Variants in CAMK1D observed in about 807,000 individuals in gnomAD.
The protein encoded by CAMK1D is calcium/calmodulin-dependent protein kinase type 1D.
A neutral mutation model predicts 47.7 loss-of-function variants in CAMK1D; 9 were observed. That is an observed-to-expected ratio of 0.19 (90% CI 0.11 to 0.33). The LOEUF (loss-of-function observed/expected upper bound fraction) is 0.33, where lower values mean the gene tolerates loss of function less well. CAMK1D is among the 10% of genes least tolerant of loss of function. The pLI, the probability that CAMK1D is intolerant of heterozygous loss-of-function variation, is 1.00. For synonymous variants in CAMK1D, 184 were observed against 184.9 expected (o/e 0.99, Z 0.04); for missense variants, 291 against 488.7 (o/e 0.60, Z 3.81).
At chr10:12,407,423 A>T (rs1211064991) in intron 1 of CAMK1D, among the ~76,000 whole-genome samples, 1 of 152,186 alleles carries the variant, frequency 6.6e-6, no homozygotes, top group Non-Finnish European at 1.5e-5. Context: ...TTCTCACTGA[A>T]GCGTCTCTGG....
At chr10:12,585,439 G>T (rs891020475) in intron 2 of CAMK1D, among the ~76,000 whole-genome samples, 2 of 152,186 alleles carry the variant, frequency 1.3e-5, no homozygotes, top group Non-Finnish European at 2.9e-5. Context: ...GGAGGGCTCA[G>T]TCTGGACCAC....
At chr10:12,497,854 A>G (rs1834588527) in intron 1 of CAMK1D, among the ~76,000 whole-genome samples, 1 of 152,340 alleles carries the variant, frequency 6.6e-6, no homozygotes, top group Non-Finnish European at 1.5e-5. Context: ...TCATACTGCT[A>G]TGAAGAAATA....
chr10:12,631,716 G>C (rs1172864340), intron 2 of CAMK1D, among the ~76,000 whole-genome samples: 1 of 148,182 alleles, frequency 6.7e-6, no homozygotes, highest in African/African-American at 2.5e-5. Context: ...GACATCAAAA[G>C]CTTCATTCCC....
chr10:12,459,237 C>A (rs565500581), intron 1 of CAMK1D, among the ~76,000 whole-genome samples: 2 of 152,112 alleles, frequency 1.3e-5, no homozygotes, highest in African/African-American at 4.8e-5. Flanking sequence ...ATAAAAAAAA[C>A]CACGTTATGG....
intron 3 of CAMK1D, among the ~76,000 whole-genome samples, chr10:12,670,492 A>T (rs1437663195): frequency 6.6e-6 from 1 of 151,940 alleles, no homozygotes; most frequent in Non-Finnish European, 1.5e-5. Context: ...GCACCTTTTA[A>T]AAAAATTCAT....
chr10:12,647,084 G>A lies in CAMK1D; in HGVS notation c.225-19652G>A, dbSNP rs569736612. On this transcript the variant is annotated intron_variant, in intron 2 of 10. Coordinates refer to ENST00000619168, the MANE Select transcript of CAMK1D (RefSeq NM_153498.4). ...TCTCGAACTCCTGACTTTGTGATCC[G>A]CCCACCTCAGCCTCCCAAAGTGCTG... Among the ~76,000 whole-genome samples, 198 of 142,684 alleles carry A rather than the reference G, an allele frequency of 1.4e-3. 2 individuals carry two copies. Among genetic ancestry groups the A allele is most frequent in the African/African-American group, 4.7e-3 (179 of 38,464 alleles). 93.6% of individuals were successfully genotyped at this position (142,684 alleles called of 152,430 possible). A position where few individuals can be genotyped will look rare whatever the true frequency, so the allele number is the denominator to read the frequency against.
chr10:12,655,626 AT>A (rs1490917900), intron 2 of CAMK1D, among the ~76,000 whole-genome samples: 1 of 152,078 alleles, frequency 6.6e-6, no homozygotes, highest in African/African-American at 2.4e-5. Flanking sequence ...TATGTGCTGG[AT>A]TTTTCACACT....
intron 5 of CAMK1D, among the ~76,000 whole-genome samples, chr10:12,786,124 A>G (rs1465195013): frequency 6.6e-6 from 1 of 152,202 alleles, no homozygotes; most frequent in Non-Finnish European, 1.5e-5. Flanking sequence ...AGCAATCACA[A>G]GTGAAATTAG....
At chr10:12,769,404 G>A (rs1386057310) in intron 4 of CAMK1D, among the ~76,000 whole-genome samples, 1 of 152,206 alleles carries the variant, frequency 6.6e-6, no homozygotes, top group Non-Finnish European at 1.5e-5. Flanking sequence ...TTTCTAGATT[G>A]CCTCAGAATA....
chr10:12,429,069 G>T (rs536385678), intron 1 of CAMK1D, among the ~76,000 whole-genome samples: 1 of 152,142 alleles, frequency 6.6e-6, no homozygotes, highest in African/African-American at 2.4e-5. Context: ...GCCAGGAATG[G>T]GGGTATGGTG....
chr10:12,481,712 G>A (rs1365030262), intron 1 of CAMK1D, among the ~76,000 whole-genome samples: 3 of 152,158 alleles, frequency 2.0e-5, no homozygotes, highest in African/African-American at 7.2e-5. Context: ...GTTTCACCAT[G>A]TTGGTCAGGC....
At chr10:12,414,985 ACT>A (rs1839792987) in intron 1 of CAMK1D, among the ~76,000 whole-genome samples, 1 of 151,420 alleles carries the variant, frequency 6.6e-6, no homozygotes, top group Non-Finnish European at 1.5e-5. Flanking sequence ...AATCTAGTTA[ACT>A]CTCTTTGATT....
intron 2 of CAMK1D, among the ~76,000 whole-genome samples, chr10:12,584,318 G>A (rs149945538): frequency 6.6e-6 from 1 of 152,316 alleles, no homozygotes; most frequent in Non-Finnish European, 1.5e-5. Context: ...TGAGGTCATC[G>A]TCTAAGACGT....
At chr10:12,642,233 G>C (rs1471089947) in intron 2 of CAMK1D, among the ~76,000 whole-genome samples, 2 of 152,182 alleles carry the variant, frequency 1.3e-5, no homozygotes, top group Non-Finnish European at 2.9e-5. Context: ...TACTAATTGT[G>C]TGCTGGCCTG....
chr10:12,760,948 G>C lies in CAMK1D; in HGVS notation c.300G>C (p.Leu100=), dbSNP rs149215581. The C allele has an allele frequency of 7.4e-4, 1,198 of 1,610,672 alleles. No individual in the cohort carries two copies. The highest frequency in any genetic ancestry group is 9.3e-4 in the Non-Finnish European group (1,090 of 1,178,122). Residue 100 remains leucine, a splice_region_variant and synonymous_variant, in exon 4 of 11, where the codon CTG becomes CTC. Transcript: ENST00000619168. ...SPNHLYLVMQ[L]VSGGELFDRI... ...CTTCTAATATGTTCTTTTTTGCCAG[G>C]GTGTCCGGTGGAGAGCTGTTTGACC... is the stretch of plus-strand genomic sequence containing the variant.
Position 12,721,978 on chromosome 10 carries a change from C to T in CAMK1D, c.300-38970C>T, listed in dbSNP as rs114980161. 5.4e-3 allele frequency among the ~76,000 whole-genome samples: 815 copies of T among 152,258 alleles called. 7 individuals are homozygous for T. The highest frequency in any genetic ancestry group is 0.018 in the African/African-American group (742 of 41,560). ...TCTATAACAAGAGGGGGCTCTGTTT[C>T]CCTAAGTGAGGTAGCTTTCTGAGGT... On this transcript the variant is annotated intron_variant, in intron 3 of 10. Transcript: ENST00000619168.
At chr10:12,568,077 C>CGCCCTCCCCCCTTGCCTGCCT (rs1837179986) in intron 2 of CAMK1D, among the ~76,000 whole-genome samples, 7 of 136,488 alleles carry the variant, frequency 5.1e-5, no homozygotes, top group African/African-American at 8.4e-5. Context: ...TAGGCCTGCC[C>CGCCCTCCCCCCTTGCCTGCCT]GCCCTCCCAC....
At chr10:12,408,258 C>T (rs1474187881) in intron 1 of CAMK1D, among the ~76,000 whole-genome samples, 3 of 151,850 alleles carry the variant, frequency 2.0e-5, no homozygotes, top group Non-Finnish European at 4.4e-5. Flanking sequence ...GCCTCCCGGG[C>T]TCACGCCATA....
At chr10:12,632,521 A>G (rs1437620158) in intron 2 of CAMK1D, among the ~76,000 whole-genome samples, 1 of 152,154 alleles carries the variant, frequency 6.6e-6, no homozygotes, top group African/African-American at 2.4e-5. Flanking sequence ...TTTCAGCATC[A>G]TTGTCTGATT....
Sources: gnomAD v4.1 joint callset for allele counts (sites outside exome capture counted in the v4.1 genomes callset) on GRCh38, gnomAD v4.1.1 for gene constraint, MANE v1.5 for transcripts, NCBI Gene and HGNC (gene_info 2026-07-23, HGNC 2026-07-21) for gene names.